Variants in ZNF107 observed in about 807,000 individuals in gnomAD.
ZNF107 encodes the protein zinc finger protein 107.
In ZNF107, 19 loss-of-function variants were observed where a neutral mutation model predicts 12.3. That is an observed-to-expected ratio of 1.55 (90% CI 1.08 to 2.27). ZNF107 has a LOEUF of 2.27. Among genes scored for constraint, ZNF107 ranks in the 30% most tolerant of loss-of-function variants. The pLI, the probability that ZNF107 is intolerant of heterozygous loss-of-function variation, is 0.00. For missense variants in ZNF107, 958 were observed against 979.9 expected, an observed-to-expected ratio of 0.98 and a Z score of 0.30; for synonymous variants, 317 against 330.5, an observed-to-expected ratio of 0.96 and a Z score of 0.44.
chr7:64,666,245 C>G lies in ZNF107; in HGVS notation c.-38C>G. The G allele has an allele frequency of 1.2e-6, 2 of 1,606,892 alleles. No individual in the cohort carries two copies. Among genetic ancestry groups the G allele is most frequent in the Non-Finnish European group, 1.7e-6 (2 of 1,175,992 alleles). ...CTGTGACCTGCAGATATTGGGAGAT[C>G]CACAGCTAAGACGCCGGGACTCCCT... On this transcript the variant is annotated 5_prime_UTR_variant, in exon 1 of 4. The change creates a new upstream start codon in the 5' untranslated region. Coordinates refer to ENST00000620827, the MANE Select transcript of ZNF107 (RefSeq NM_001282359.2).
intron 3 of ZNF107, 65 bp from the exon 4 acceptor site, chr7:64,706,259 A>T: frequency 7.9e-7 from 1 of 1,260,308 alleles, no homozygotes; most frequent in Non-Finnish European, 1.0e-6. Flanking sequence ...TTTATAGATT[A>T]GATTTTAAAG....
In ZNF107 at chr7:64,709,187, A is replaced by G. The variant is rs1790804417; in HGVS notation, c.*531A>G. On this transcript the variant is annotated 3_prime_UTR_variant, in exon 4 of 4. Transcript: ENST00000620827. ...TTAACCCTTAACTGTAGATAAGAAA[A>G]TTCATACTGGAAAGAAACCCTACAA... 1 of 420,696 alleles carries G rather than the reference A, an allele frequency of 2.4e-6. No homozygotes were observed. Among genetic ancestry groups the G allele is most frequent in the Admixed American group, 3.1e-5 (1 of 32,598 alleles). The allele number at this position is 420,696 out of a possible 1,614,324, so 26.1% of individuals were successfully genotyped here. A position where few individuals can be genotyped will look rare whatever the true frequency, so the allele number is the denominator to read the frequency against.
intron 3 of ZNF107, among the ~76,000 whole-genome samples, chr7:64,698,701 G>A (rs890643903): frequency 4.6e-5 from 7 of 152,282 alleles, no homozygotes; most frequent in East Asian, 1.9e-4. Context: ...AATTACAGGC[G>A]TGAGCTACCA....
At chr7:64,694,835 A>T (rs1790233492) in intron 3 of ZNF107, among the ~76,000 whole-genome samples, 1 of 152,134 alleles carries the variant, frequency 6.6e-6, no homozygotes, top group South Asian at 2.1e-4. Flanking sequence ...AGATTCAGAC[A>T]TTTAGGGCAA....
intron 1 of ZNF107, among the ~76,000 whole-genome samples, chr7:64,672,470 C>A (rs184046791): frequency 6.6e-6 from 1 of 152,262 alleles, no homozygotes; most frequent in African/African-American, 2.4e-5. Context: ...AATCCTCCTA[C>A]CTAAGCCCTC....
At chr7:64,704,635 A>C (rs957865168) in intron 3 of ZNF107, among the ~76,000 whole-genome samples, 1 of 152,100 alleles carries the variant, frequency 6.6e-6, no homozygotes, top group Non-Finnish European at 1.5e-5. Context: ...TTTGATATGT[A>C]GGGCATAGGC....
chr7:64,709,164 A>T lies in ZNF107; in HGVS notation c.*508A>T. On this transcript the variant is annotated 3_prime_UTR_variant, in exon 4 of 4. Transcript: ENST00000620827. ...TGTGGCAAAGCTTTTAACCTTCCTT[A>T]ACCCTTAACTGTAGATAAGAAAATT... is the stretch of plus-strand genomic sequence containing the variant. The T allele has an allele frequency of 4.5e-6, 2 of 441,306 alleles. No homozygotes were observed. The highest frequency in any genetic ancestry group is 5.7e-5 in the Admixed American group (2 of 35,012). 27.3% of individuals were successfully genotyped at this position (441,306 alleles called of 1,614,324 possible).
At chr7:64,675,541 T>C (rs1359355957) in intron 1 of ZNF107, among the ~76,000 whole-genome samples, 1 of 152,146 alleles carries the variant, frequency 6.6e-6, no homozygotes, top group Non-Finnish European at 1.5e-5. Context: ...TTTTCAAAGA[T>C]TTAACTCCTA....
intron 1 of ZNF107, among the ~76,000 whole-genome samples, chr7:64,671,360 A>C: frequency 6.6e-6 from 1 of 152,178 alleles, no homozygotes; most frequent in East Asian, 1.9e-4. Context: ...GCCCTTAGGA[A>C]TTTCACTACA....
Position 64,691,268 on chromosome 7 carries a change from T to A in ZNF107, c.24T>A (p.Asp8Glu). Residue 8 changes from aspartate to glutamate, a missense_variant, in exon 2 of 4, where the codon GAT becomes GAA. Physicochemically the swap from Asp to Glu is conservative, Grantham distance 45. Coordinates refer to ENST00000620827, the MANE Select transcript of ZNF107 (RefSeq NM_001282359.2). The stretch of plus-strand genomic sequence containing the variant: ...TTCAGGAACCACTGACATTTAAAGA[T>A]GTCGCCATAGAATTCTCTCTGGAGG... MEPLTFK[D>E]VAIEFSLEEW... The A allele has an allele frequency of 1.3e-6, 2 of 1,539,790 alleles. No homozygotes were observed. Among genetic ancestry groups the A allele is most frequent in the Non-Finnish European group, 1.7e-6 (2 of 1,144,178 alleles).
chr7:64,689,630 C>T lies in ZNF107; in HGVS notation c.4-1618C>T, dbSNP rs975968370. 8 of 153,632 alleles carry T rather than the reference C, an allele frequency of 5.2e-5. 1 individual carries two copies. The Middle Eastern group carries it at 5.6e-3, about 108-fold the overall frequency. 9.5% of individuals were successfully genotyped at this position (153,632 alleles called of 1,614,324 possible). ...GCTAATTAGGACCCGTAATCTGGAGCTCCACTGTGGCAGTTCCACTTTCTA... is the reference window on the plus strand; with the variant it reads ...GCTAATTAGGACCCGTAATCTGGAGTTCCACTGTGGCAGTTCCACTTTCTA... On this transcript the variant is annotated intron_variant, in intron 1 of 3. Transcript: ENST00000620827.
chr7:64,670,401 A>G (rs1789176491), intron 1 of ZNF107, among the ~76,000 whole-genome samples: 1 of 152,178 alleles, frequency 6.6e-6, no homozygotes, highest in Non-Finnish European at 1.5e-5. Flanking sequence ...TCAAGTCTTT[A>G]GGAGGGACAA....
rs114439328 is a variant in ZNF107, at chr7:64,699,730, C to T, written c.227-6594C>T. On this transcript the variant is annotated intron_variant, in intron 3 of 3. Coordinates refer to ENST00000620827, the MANE Select transcript of ZNF107 (RefSeq NM_001282359.2). ...ACTGGTATTTTTAAATTTCATAAGA[C>T]TTGGTTTGATTCCTAACAGAATACG... Among the ~76,000 whole-genome samples, 1,461 of 152,212 alleles carry T rather than the reference C, an allele frequency of 9.6e-3. 21 individuals are homozygous for T. Among genetic ancestry groups the T allele is most frequent in the African/African-American group, 0.031 (1,302 of 41,526 alleles).
At chr7:64,667,559 T>C (rs1320213080) in intron 1 of ZNF107, among the ~76,000 whole-genome samples, 1 of 152,256 alleles carries the variant, frequency 6.6e-6, no homozygotes, top group African/African-American at 2.4e-5. Flanking sequence ...GGTTTTCTCC[T>C]GGTCCTGGGT....
intron 3 of ZNF107, among the ~76,000 whole-genome samples, chr7:64,693,973 A>T (rs1790203720): frequency 6.6e-6 from 1 of 152,166 alleles, no homozygotes; most frequent in Non-Finnish European, 1.5e-5. Context: ...TTTTTAGTAG[A>T]GACGGAGTTT....
intron 1 of ZNF107, among the ~76,000 whole-genome samples, chr7:64,687,727 A>G (rs1295722058): frequency 6.6e-6 from 1 of 152,216 alleles, no homozygotes; most frequent in African/African-American, 2.4e-5. Flanking sequence ...TGGACTAATT[A>G]TTGTGACCGT....
At chr7:64,702,940 T>A (rs1790524788) in intron 3 of ZNF107, among the ~76,000 whole-genome samples, 1 of 152,236 alleles carries the variant, frequency 6.6e-6, no homozygotes, top group African/African-American at 2.4e-5. Flanking sequence ...TGGTTAAAAT[T>A]TTTTTATTAC....
intron 1 of ZNF107, 21 bp downstream of exon 1, chr7:64,666,306 A>G (rs1788998376): frequency 1.2e-6 from 2 of 1,608,552 alleles, no homozygotes; most frequent in Non-Finnish European, 1.7e-6. Context: ...TGGGTCCGAC[A>G]TCCCGAGAGA....
chr7:64,674,188 G>A (rs149588393), intron 1 of ZNF107, among the ~76,000 whole-genome samples: 2 of 151,676 alleles, frequency 1.3e-5, no homozygotes, highest in African/African-American at 4.8e-5. Flanking sequence ...TATTAGATCT[G>A]TACATTTCTT....
Sources: allele counts gnomAD v4.1 joint callset (sites outside exome capture counted in the v4.1 genomes callset), GRCh38; gene constraint gnomAD v4.1.1; transcripts MANE v1.5; gene names NCBI Gene and HGNC (gene_info 2026-07-23, HGNC 2026-07-21).